ANTXR2: variants seen among roughly 807,000 people sequenced by gnomAD.
The protein encoded by ANTXR2 is anthrax toxin receptor 2.
ANTXR2 carries 44 observed loss-of-function variants against 73.7 expected under a neutral mutation model. The ratio of observed to expected loss-of-function variants is 0.60; its 90% CI spans 0.47 to 0.77. The LOEUF is 0.77. Among genes scored for constraint, ANTXR2 ranks in the 30% least tolerant of loss-of-function variants. ANTXR2 has a pLI of 0.00. For synonymous variants in ANTXR2, 217 were observed against 205.9 expected, an observed-to-expected ratio of 1.05 and a Z score of -0.46; for missense variants, 604 against 592.5, an observed-to-expected ratio of 1.02 and a Z score of -0.20.
intron 4 of ANTXR2, 88 bp downstream of exon 4, chr4:80,055,844 G>A (rs371403793): frequency 1.1e-6 from 1 of 941,362 alleles, no homozygotes; most frequent in African/African-American, 1.7e-5. Flanking sequence ...AATATGTAAT[G>A]AGGTTACTGA....
intron 12 of ANTXR2, among the ~76,000 whole-genome samples, chr4:79,986,645 T>C (rs950054085): frequency 2.6e-5 from 4 of 152,112 alleles, no homozygotes; most frequent in Non-Finnish European, 5.9e-5. Flanking sequence ...CCTCACACCA[T>C]CGCCCCACTA....
intron 8 of ANTXR2, 39 bp downstream of exon 8, chr4:80,035,933 C>T (rs1732934556): frequency 1.4e-6 from 2 of 1,477,022 alleles, no homozygotes; most frequent in South Asian, 1.3e-5. Context: ...GAAAAAAATA[C>T]AATTTCTTAC....
chr4:79,993,133 C>T, intron 12 of ANTXR2, among the ~76,000 whole-genome samples: 1 of 151,888 alleles, frequency 6.6e-6, no homozygotes, highest in East Asian at 1.9e-4. Flanking sequence ...CTGCTTTGCT[C>T]CTCACTGACT....
chr4:79,993,092 A>G (rs1730548639), intron 12 of ANTXR2, among the ~76,000 whole-genome samples: 1 of 152,052 alleles, frequency 6.6e-6, no homozygotes, highest in African/African-American at 2.4e-5. Context: ...CTACAAAAAA[A>G]TAGTAAGTTT....
intron 12 of ANTXR2, among the ~76,000 whole-genome samples, chr4:79,996,731 TAC>T (rs1730747694): frequency 6.6e-6 from 1 of 151,976 alleles, no homozygotes; most frequent in African/African-American, 2.4e-5. Flanking sequence ...CATTAAAAAC[TAC>T]AGTCATGAGA....
intron 10 of ANTXR2, among the ~76,000 whole-genome samples, chr4:80,023,648 G>A (rs762779407): frequency 5.3e-5 from 8 of 152,148 alleles, no homozygotes; most frequent in Non-Finnish European, 7.4e-5. Flanking sequence ...GCAGGAAGTC[G>A]ACTACAGGAT....
At chr4:79,918,262 G>C (rs1348255879) in intron 16 of ANTXR2, among the ~76,000 whole-genome samples, 1 of 152,010 alleles carries the variant, frequency 6.6e-6, no homozygotes, top group Non-Finnish European at 1.5e-5. Context: ...CCCATAAGGA[G>C]AGGACAAAAA....
chr4:80,031,255 GGTGTGTGCATGCACACACAT>G (rs138066321), intron 10 of ANTXR2, among the ~76,000 whole-genome samples: 57,907 of 151,350 alleles, frequency 0.38, 12,798 homozygotes, highest in Admixed American at 0.49. Flanking sequence ...TTTTGAACTG[GGTGTGTGCATGCACACACAT>G]GTGTGTGCGT....
At chr4:79,976,159 G>C (rs112094767) in intron 16 of ANTXR2, among the ~76,000 whole-genome samples, 1 of 151,794 alleles carries the variant, frequency 6.6e-6, no homozygotes, top group Non-Finnish European at 1.5e-5. Context: ...TGATCCGCCC[G>C]CCTCGGCTTC....
chr4:80,069,337 G>C, intron 3 of ANTXR2, 99 bp downstream of exon 3: 1 of 920,910 alleles, frequency 1.1e-6, no homozygotes, highest in Admixed American at 2.3e-5. Flanking sequence ...GCATCTGCTT[G>C]ATTCCACTGA....
At position 79,966,632 on chromosome 4, in the gene ANTXR2, T is replaced by C. The variant is rs1378453571; in HGVS notation, c.1428+10989A>G. Among the ~76,000 whole-genome samples the C allele has an allele frequency of 2.0e-5, 3 of 152,232 alleles. 1 individual carries two copies. Among genetic ancestry groups the C allele is most frequent in the Admixed American group, 2.0e-4 (3 of 15,288 alleles). On this transcript the variant is annotated intron_variant, in intron 16 of 16. Transcript: ENST00000403729. ...AAATTTAAGAAATATTATGTGCTCT[T>C]TCTATAAAATAGAAATAAAATTTGT...
chr4:80,063,437 T>C (rs1301006220), intron 3 of ANTXR2, among the ~76,000 whole-genome samples: 1 of 152,260 alleles, frequency 6.6e-6, no homozygotes, highest in African/African-American at 2.4e-5. Flanking sequence ...TTCAGCATTT[T>C]TTTTTATAAA....
At chr4:79,984,976 A>G (rs1730063271) in intron 12 of ANTXR2, 113 bp from the exon 13 acceptor site, 1 of 849,886 alleles carries the variant, frequency 1.2e-6, no homozygotes, top group Non-Finnish European at 1.8e-6. Context: ...GAAGTCCCTC[A>G]CTGAAGCTTG....
intron 4 of ANTXR2, 107 bp from the exon 5 acceptor site, chr4:80,055,574 C>T: frequency 1.1e-6 from 1 of 913,892 alleles, no homozygotes; most frequent in Non-Finnish European, 1.7e-6. Flanking sequence ...ATATTACTGG[C>T]TAGCTTTTAA....
intron 12 of ANTXR2, among the ~76,000 whole-genome samples, chr4:80,002,813 C>T (rs1256270391): frequency 6.6e-6 from 1 of 151,364 alleles, no homozygotes; most frequent in Non-Finnish European, 1.5e-5. Flanking sequence ...TGAAAAAATG[C>T]TCACCATCAC....
At chr4:79,908,871 A>T (rs1428441406) in intron 16 of ANTXR2, among the ~76,000 whole-genome samples, 1 of 152,188 alleles carries the variant, frequency 6.6e-6, no homozygotes, top group Non-Finnish European at 1.5e-5. Context: ...GCTCTTCTCT[A>T]GATTAGCTAA....
intron 14 of ANTXR2, among the ~76,000 whole-genome samples, chr4:79,979,955 G>T (rs1287415095): frequency 1.3e-5 from 2 of 152,140 alleles, no homozygotes; most frequent in African/African-American, 2.4e-5. Context: ...ATTCAGAAAT[G>T]ATAGGCTTTA....
chr4:79,992,964 AT>A (rs1294752354), intron 12 of ANTXR2, among the ~76,000 whole-genome samples: 1 of 152,014 alleles, frequency 6.6e-6, no homozygotes, highest in Non-Finnish European at 1.5e-5. Flanking sequence ...TCCCTGATGA[AT>A]TCTCCCCATT....
intron 3 of ANTXR2, among the ~76,000 whole-genome samples, chr4:80,059,821 T>A (rs7689197): frequency 0.44 from 66,328 of 151,872 alleles, 15,049 homozygotes; most frequent in Non-Finnish European, 0.49. Flanking sequence ...CTGTGCCATA[T>A]CAGTAGCTTT....
Sources: gnomAD v4.1 joint callset for allele counts (sites outside exome capture counted in the v4.1 genomes callset) on GRCh38, gnomAD v4.1.1 for gene constraint, MANE v1.5 for transcripts, NCBI Gene and HGNC (gene_info 2026-07-23, HGNC 2026-07-21) for gene names.